Variants in CHSY3 observed in about 807,000 individuals in gnomAD.
CHSY3 encodes the protein chondroitin sulfate synthase 3, also known as N-acetylgalactosaminyl-proteoglycan 3-beta-glucuronosyltransferase 3.
In CHSY3, 35 loss-of-function variants were observed where a neutral mutation model predicts 67.2. That is an observed-to-expected ratio of 0.52 (90% confidence interval 0.40 to 0.69). CHSY3 has a LOEUF of 0.69. CHSY3 is among the 30% of genes least tolerant of loss of function. The pLI is 0.00. For synonymous variants in CHSY3, 474 were observed against 434.7 expected (o/e 1.09, Z -1.12); for missense variants, 1,069 against 1,138.5 (o/e 0.94, Z 0.88).
chr5:129,965,613 T>TG (rs1231353026), intron 2 of CHSY3, among the ~76,000 whole-genome samples: 1 of 151,908 alleles, frequency 6.6e-6, no homozygotes, highest in Non-Finnish European at 1.5e-5. Context: ...TCGTACCTTT[T>TG]GTTGAAACGA....
rs1196977753 is a variant in CHSY3, at chr5:129,905,029, A to T, written c.200A>T (p.Gln67Leu). 2 of 1,560,676 alleles carry T rather than the reference A, an allele frequency of 1.3e-6. No individual in the cohort carries two copies. The highest frequency in any genetic ancestry group is 3.6e-5 in the Admixed American group (2 of 56,112). ...GCTCAGCAGCCGCTCCCCCAGCCCC[A>T]GTCCCGACCACGGCAGGAGCAGTCG... is the stretch of plus-strand genomic sequence containing the variant. ...AGAQQPLPQP[Q>L]SRPRQEQSPP... Residue 67 changes from glutamine to leucine, a missense_variant, in exon 1 of 3, where the codon CAG (glutamine) becomes CTG (leucine). This residue lies in a region of CHSY3 where 309 missense variants were observed against 262.5 expected (regional missense o/e 1.18). Coordinates refer to ENST00000305031, the MANE Select transcript of CHSY3 (RefSeq NM_175856.5).
At chr5:130,008,053 C>G (rs886086534) in intron 2 of CHSY3, among the ~76,000 whole-genome samples, 1 of 152,206 alleles carries the variant, frequency 6.6e-6, no homozygotes, top group African/African-American at 2.4e-5. Context: ...TGCCAGCATG[C>G]GTTCATCTGC....
intron 2 of CHSY3, among the ~76,000 whole-genome samples, chr5:129,940,682 T>G (rs932437803): frequency 6.6e-6 from 1 of 152,110 alleles, no homozygotes; most frequent in Non-Finnish European, 1.5e-5. Flanking sequence ...TGTGTGAGTG[T>G]GTGTGTGTAT....
intron 2 of CHSY3, among the ~76,000 whole-genome samples, chr5:129,940,542 T>C (rs1173091236): frequency 6.6e-6 from 1 of 152,162 alleles, no homozygotes; most frequent in African/African-American, 2.4e-5. Context: ...GATTCCTAAA[T>C]ATGTAAAAAT....
At chr5:130,025,328 A>G (rs1764509832) in intron 2 of CHSY3, among the ~76,000 whole-genome samples, 1 of 152,088 alleles carries the variant, frequency 6.6e-6, no homozygotes, top group Non-Finnish European at 1.5e-5. Flanking sequence ...GTGCAAAAGA[A>G]GCAACATGCA....
chr5:129,976,073 T>C (rs567687000), intron 2 of CHSY3, among the ~76,000 whole-genome samples: 2 of 152,280 alleles, frequency 1.3e-5, no homozygotes, highest in African/African-American at 4.8e-5. Context: ...AAACCAGTTT[T>C]ATTCAAGAAG....
chr5:129,986,263 T>A (rs1580615776), intron 2 of CHSY3, among the ~76,000 whole-genome samples: 2 of 152,176 alleles, frequency 1.3e-5, no homozygotes, highest in Non-Finnish European at 2.9e-5. Context: ...GCTAAAGCCT[T>A]TTCTGTATCT....
At chr5:130,056,223 G>C (rs1382851793) in intron 2 of CHSY3, among the ~76,000 whole-genome samples, 1 of 151,740 alleles carries the variant, frequency 6.6e-6, no homozygotes, top group Non-Finnish European at 1.5e-5. Context: ...TTCTGACTCA[G>C]GTGGTTCAAG....
At chr5:130,086,334 T>C (rs908777553) in intron 2 of CHSY3, among the ~76,000 whole-genome samples, 2 of 152,096 alleles carry the variant, frequency 1.3e-5, no homozygotes, top group Admixed American at 6.6e-5. Flanking sequence ...TTAGCTCTTC[T>C]TGTTGAATTG....
intron 2 of CHSY3, among the ~76,000 whole-genome samples, chr5:130,160,914 T>A (rs1052042356): frequency 4.7e-5 from 7 of 150,030 alleles, no homozygotes; most frequent in East Asian, 1.9e-4. Context: ...TTTTTATTTT[T>A]TTTTTTTTGA....
chr5:130,066,981 T>C (rs146347058), intron 2 of CHSY3, among the ~76,000 whole-genome samples: 4 of 152,298 alleles, frequency 2.6e-5, no homozygotes, highest in Admixed American at 6.5e-5. Flanking sequence ...TTCATAATAG[T>C]GCTTTAGAAT....
chr5:129,908,172 C>G lies in CHSY3; in HGVS notation c.898C>G (p.Leu300Val). The change falls in exon 2 of 3, where the codon CTG (leucine) becomes GTG (valine). Residue 300 changes from leucine (L) to valine (V), a missense_variant. Physicochemically the swap from Leu to Val is conservative, Grantham distance 32 (BLOSUM62 1). Transcript: ENST00000305031. ...GLGNIEELGK[L>V]GLEPGENFCM... ...GGGGAATATTGAAGAGCTTGGAAAG[C>G]TGGGACTGGAGCCTGGGGAAAACTT... The G allele has an allele frequency of 6.2e-7, 1 of 1,614,174 alleles. No homozygotes were observed. Among genetic ancestry groups the G allele is most frequent in the Non-Finnish European group, 8.5e-7 (1 of 1,180,040 alleles).
intron 2 of CHSY3, among the ~76,000 whole-genome samples, chr5:130,061,903 CAG>C (rs1765725881): frequency 6.7e-6 from 1 of 149,176 alleles, no homozygotes; most frequent in South Asian, 2.1e-4. Context: ...AAAAAAAAAA[CAG>C]ATATTGGCAT....
intron 2 of CHSY3, among the ~76,000 whole-genome samples, chr5:130,085,802 A>C (rs1766597512): frequency 6.6e-6 from 1 of 152,040 alleles, no homozygotes; most frequent in African/African-American, 2.4e-5. Context: ...AGATTCTAGT[A>C]TGTTGTGTCT....
In CHSY3 at chr5:129,905,015, G is replaced by A. The variant is rs1465118891; in HGVS notation, c.186G>A (p.Pro62=). Residue 62 remains proline (P), a synonymous_variant, in exon 1 of 3, where the codon CCG becomes CCA. Transcript: ENST00000305031. ...AAGPRAGAQQ[P]LPQPQSRPRQ... is the part of the protein sequence containing the mutation. Reference sequence around the variant, plus strand: ...GCCCCCGCGCCGGCGCTCAGCAGCCGCTCCCCCAGCCCCAGTCCCGACCAC... The same window carrying A: ...GCCCCCGCGCCGGCGCTCAGCAGCCACTCCCCCAGCCCCAGTCCCGACCAC... 6.4e-7 allele frequency: 1 copy of A among 1,563,590 alleles called. No homozygotes were observed. Among genetic ancestry groups the A allele is most frequent in the Non-Finnish European group, 8.6e-7 (1 of 1,161,164 alleles).
At chr5:129,971,327 G>A (rs529632151) in intron 2 of CHSY3, among the ~76,000 whole-genome samples, 1 of 151,612 alleles carries the variant, frequency 6.6e-6, no homozygotes, top group African/African-American at 2.4e-5. Context: ...TTAAAGATAT[G>A]AAATAATAAT....
At chr5:130,092,062 G>A (rs1766898380) in intron 2 of CHSY3, among the ~76,000 whole-genome samples, 1 of 152,090 alleles carries the variant, frequency 6.6e-6, no homozygotes, top group Non-Finnish European at 1.5e-5. Context: ...TTTTGAGTGA[G>A]GTCAGTTGCT....
intron 2 of CHSY3, among the ~76,000 whole-genome samples, chr5:130,124,722 T>C (rs1768205871): frequency 6.6e-6 from 1 of 152,208 alleles, no homozygotes. Context: ...CCTCCCAAAG[T>C]GATGGGATTA....
chr5:130,165,363 A>G (rs1454666469), intron 2 of CHSY3, among the ~76,000 whole-genome samples: 3 of 152,168 alleles, frequency 2.0e-5, no homozygotes, highest in Non-Finnish European at 4.4e-5. Flanking sequence ...TGATATAATA[A>G]TGATTTATAA....
Sources: allele counts gnomAD v4.1 joint callset (sites outside exome capture counted in the v4.1 genomes callset), GRCh38; gene constraint gnomAD v4.1.1; regional missense constraint gnomAD v4.1.1; transcripts MANE v1.5; gene names NCBI Gene and HGNC (gene_info 2026-07-23, HGNC 2026-07-21).